The following C5orf47 variants were observed in gnomAD, a reference collection of about 807,000 sequenced individuals.
The protein encoded by C5orf47 is uncharacterized protein C5orf47.
Under a neutral mutation model 20.6 loss-of-function variants are expected in C5orf47, and 20 were observed. That is an observed-to-expected ratio of 0.97 (90% CI 0.68 to 1.41). C5orf47 has a LOEUF of 1.41. Ranked by LOEUF, C5orf47 falls within the 40% of genes most tolerant of loss-of-function variation. C5orf47 has a pLI of 0.00. For synonymous variants in C5orf47, 106 were observed against 97.3 expected (o/e 1.09, Z -0.53); for missense variants, 262 against 238.4 (o/e 1.10, Z -0.65).
At chr5:173,999,532 C>T (rs1043513362) in intron 2 of C5orf47, among the ~76,000 whole-genome samples, 168 bp from the exon 3 acceptor site, 3 of 152,046 alleles carry the variant, frequency 2.0e-5, no homozygotes, top group East Asian at 3.9e-4. Context: ...TTTCAGTGAT[C>T]GTGGGTAAAC....
rs1047045443 is a variant in C5orf47 at position 174,004,968 on chromosome 5, G to A, written c.*714G>A. 4 of 152,124 alleles carry A rather than the reference G, an allele frequency of 2.6e-5. No individual in the cohort carries two copies. The highest frequency in any genetic ancestry group is 6.6e-5 in the Admixed American group (1 of 15,248). 9.4% of individuals were successfully genotyped at this position (152,124 alleles called of 1,614,324 possible). A position where few individuals can be genotyped will look rare whatever the true frequency, so the allele number is the denominator to read the frequency against. On this transcript the variant is annotated 3_prime_UTR_variant, in exon 5 of 5. Coordinates refer to ENST00000340147, the MANE Select transcript of C5orf47 (RefSeq NM_001144954.2). Reference sequence around the variant, plus strand: ...ACATTATTTTTAAGTCAATGAATGAGAGGATTAGAATTCTGAAAATCATTT... The same window carrying A: ...ACATTATTTTTAAGTCAATGAATGAAAGGATTAGAATTCTGAAAATCATTT...
rs181926361 is a variant in C5orf47 at position 173,993,428 on chromosome 5, A to T, written c.325+3840A>T. Reference sequence around the variant, plus strand: ...GAGGCCAAGGTGGGCAGATCACGAGATCAGGAGTTTGAGACCAGCCTGGCC... The same window carrying T: ...GAGGCCAAGGTGGGCAGATCACGAGTTCAGGAGTTTGAGACCAGCCTGGCC... On this transcript the variant is annotated intron_variant, in intron 1 of 4. Coordinates refer to ENST00000340147, the MANE Select transcript of C5orf47 (RefSeq NM_001144954.2). Among the ~76,000 whole-genome samples the T allele has an allele frequency of 6.8e-3, 1,028 of 152,256 alleles. 4 individuals are homozygous for T. Among genetic ancestry groups the T allele is most frequent in the Non-Finnish European group, 0.01 (709 of 68,006 alleles).
intron 1 of C5orf47, among the ~76,000 whole-genome samples, chr5:173,994,110 G>A (rs1049704516): frequency 2.0e-5 from 3 of 152,208 alleles, no homozygotes; most frequent in Admixed American, 2.0e-4. Flanking sequence ...GGTGGATGAG[G>A]CAAAACTTTG....
downstream of C5orf47, among the ~76,000 whole-genome samples, chr5:174,009,047 G>C (rs1759334062): frequency 6.6e-6 from 1 of 152,040 alleles, no homozygotes; most frequent in South Asian, 2.1e-4. Context: ...GGACCAGAGA[G>C]CACAGGCAAG....
At chr5:174,003,673 A>G (rs1759237397) in intron 4 of C5orf47, among the ~76,000 whole-genome samples, 1 of 152,140 alleles carries the variant, frequency 6.6e-6, no homozygotes, top group South Asian at 2.1e-4. Flanking sequence ...GTATCAGGCA[A>G]TGTCGAGGAT....
At chr5:173,993,028 T>G (rs1469848934) in intron 1 of C5orf47, among the ~76,000 whole-genome samples, 1 of 152,212 alleles carries the variant, frequency 6.6e-6, no homozygotes, top group East Asian at 1.9e-4. Flanking sequence ...TAGTCTGTAC[T>G]CTGATTTGCC....
intron 1 of C5orf47, among the ~76,000 whole-genome samples, chr5:173,996,391 T>C (rs1759100109): frequency 1.3e-5 from 2 of 152,260 alleles, no homozygotes; most frequent in Admixed American, 1.3e-4. Context: ...ACTTGTATTT[T>C]AGATCCCCAA....
chr5:173,997,994 T>G (rs1759128665), intron 1 of C5orf47, among the ~76,000 whole-genome samples, 159 bp from the exon 2 acceptor site: 1 of 152,144 alleles, frequency 6.6e-6, no homozygotes, highest in Non-Finnish European at 1.5e-5. Flanking sequence ...TTCAACATGT[T>G]ATTAGTGAAC....
At chr5:173,989,618 C>T in intron 1 of C5orf47, 30 bp downstream of exon 1, 3 of 1,369,040 alleles carry the variant, frequency 2.2e-6, no homozygotes, top group South Asian at 1.7e-5. Flanking sequence ...CGGGACCGGG[C>T]GCGGCGGGGC....
chr5:174,002,327 A>G (rs1759213971), intron 4 of C5orf47, among the ~76,000 whole-genome samples: 1 of 152,142 alleles, frequency 6.6e-6, no homozygotes, highest in African/African-American at 2.4e-5. Context: ...GGGAATGTAC[A>G]CTTTGATTAA....
intron 1 of C5orf47, among the ~76,000 whole-genome samples, chr5:173,989,965 G>A (rs900628975): frequency 6.6e-6 from 1 of 152,154 alleles, no homozygotes; most frequent in Non-Finnish European, 1.5e-5. Flanking sequence ...TGAGCTTTAC[G>A]TTTAAATCAG....
intron 4 of C5orf47, among the ~76,000 whole-genome samples, chr5:174,002,934 T>G (rs1759225175): frequency 6.6e-6 from 1 of 152,176 alleles, no homozygotes; most frequent in Non-Finnish European, 1.5e-5. Context: ...AGGCTATTTC[T>G]CAAGACTTGC....
chr5:174,005,064 T>C lies in C5orf47; in HGVS notation c.*810T>C, dbSNP rs1055525524. On this transcript the variant is annotated 3_prime_UTR_variant, in exon 5 of 5. Transcript: ENST00000340147. The stretch of plus-strand genomic sequence containing the variant: ...AGTAATCAACTTTTACCTCCGCCAG[T>C]TTTTCTGCTTTTTTGCTGGTACGAT... The C allele has an allele frequency of 1.3e-5, 2 of 152,110 alleles. No homozygotes were observed. The highest frequency in any genetic ancestry group is 4.8e-5 in the African/African-American group (2 of 41,416). 9.4% of individuals were successfully genotyped at this position (152,110 alleles called of 1,614,324 possible).
chr5:174,000,483 C>A (rs1044842466), intron 3 of C5orf47, among the ~76,000 whole-genome samples: 1 of 152,088 alleles, frequency 6.6e-6, no homozygotes, highest in Non-Finnish European at 1.5e-5. Context: ...CTTTCCTTAA[C>A]GTGCATTTCT....
rs531832122 is a variant in C5orf47 at position 174,003,904 on chromosome 5, C to T, written c.*17-367C>T. Among the ~76,000 whole-genome samples the T allele has an allele frequency of 3.7e-4, 56 of 152,224 alleles. 1 individual carries two copies. The highest frequency in any genetic ancestry group is 3.4e-3 in the Middle Eastern group (1 of 294). Reference sequence around the variant, plus strand: ...TAGGAACATTTGAAAAGTTTCAGCACCTAGAGGTAAAGCACAACTTCCAGT... The same window carrying T: ...TAGGAACATTTGAAAAGTTTCAGCATCTAGAGGTAAAGCACAACTTCCAGT... On this transcript the variant is annotated intron_variant, in intron 4 of 4. Coordinates refer to ENST00000340147, the MANE Select transcript of C5orf47 (RefSeq NM_001144954.2).
downstream of C5orf47, among the ~76,000 whole-genome samples, chr5:174,008,676 C>T (rs993350473): frequency 6.6e-6 from 1 of 151,738 alleles, no homozygotes; most frequent in Admixed American, 6.6e-5. Flanking sequence ...ACTAAAAATA[C>T]AAAAAATTAG....
At chr5:173,998,752 G>T (rs1759143968) in intron 2 of C5orf47, among the ~76,000 whole-genome samples, 2 of 152,150 alleles carry the variant, frequency 1.3e-5, no homozygotes, top group Admixed American at 1.3e-4. Context: ...AAGACCGGAT[G>T]CTCTGCAAGT....
intron 4 of C5orf47, among the ~76,000 whole-genome samples, chr5:174,003,891 A>G (rs1431910146): frequency 6.6e-6 from 1 of 152,158 alleles, no homozygotes; most frequent in Non-Finnish European, 1.5e-5. Context: ...GGAACATTTG[A>G]AAAGTTTCAG....
chr5:174,000,602 T>C (rs1404686006), intron 3 of C5orf47, among the ~76,000 whole-genome samples: 2 of 152,132 alleles, frequency 1.3e-5, no homozygotes. Flanking sequence ...AAAATTGCAG[T>C]ATTTAATTTC....
Sources: gnomAD v4.1 joint callset for allele counts (sites outside exome capture counted in the v4.1 genomes callset) on GRCh38, gnomAD v4.1.1 for gene constraint, MANE v1.5 for transcripts, NCBI Gene and HGNC (gene_info 2026-07-23, HGNC 2026-07-21) for gene names.